PROM1: variants seen among roughly 807,000 people sequenced by gnomAD.
PROM1 encodes the protein prominin 1.
A neutral mutation model predicts 116.9 loss-of-function variants in PROM1; 105 were observed. That is an observed-to-expected ratio of 0.90 (90% CI 0.77 to 1.06). The LOEUF is 1.06. Among genes scored for constraint, PROM1 ranks in the 50% least tolerant of loss-of-function variants. The pLI, the probability that PROM1 is intolerant of heterozygous loss-of-function variation, is 0.00. For synonymous variants in PROM1, 393 were observed against 387.0 expected (o/e 1.02, Z -0.18); for missense variants, 1,122 against 1,045.2 (o/e 1.07, Z -1.01).
chr4:15,973,205 A>C lies in PROM1; in HGVS notation c.2583-2123T>G, dbSNP rs577080418. Among the ~76,000 whole-genome samples the C allele has an allele frequency of 8.5e-5, 13 of 152,302 alleles. No individual in the cohort carries two copies. In the East Asian group the frequency reaches 2.3e-3, roughly 27 times the overall value. ...GCCAAGCGCAGTGGCTCATGCCTGT[A>C]ATCTAGCAATTTGGGTAGATCACTT... On this transcript the variant is annotated intron_variant, in intron 26 of 27. Coordinates refer to ENST00000447510, the MANE Select transcript of PROM1 (RefSeq NM_006017.3).
At chr4:15,987,036 T>TCAA (rs1560410084) in intron 20 of PROM1, among the ~76,000 whole-genome samples, 1 of 152,230 alleles carries the variant, frequency 6.6e-6, no homozygotes, top group East Asian at 1.9e-4. Context: ...GCATTAGCTG[T>TCAA]TCAGGATTAT....
chr4:15,995,608 G>A (rs1722135740), intron 15 of PROM1, among the ~76,000 whole-genome samples: 1 of 152,084 alleles, frequency 6.6e-6, no homozygotes, highest in Admixed American at 6.5e-5. Flanking sequence ...AGTGGTAGTG[G>A]GATTTTTAAA....
chr4:15,986,186 C>T (rs921461322), intron 20 of PROM1, 149 bp from the exon 21 acceptor site: 33 of 575,798 alleles, frequency 5.7e-5, no homozygotes, highest in Non-Finnish European at 1.0e-4. Context: ...CCACCCAGGC[C>T]CCTGAGGGCA....
At chr4:16,027,297 AACAC>A (rs144910885) in intron 5 of PROM1, among the ~76,000 whole-genome samples, 16 of 147,234 alleles carry the variant, frequency 1.1e-4, no homozygotes, top group African/African-American at 2.8e-4. Flanking sequence ...GTGAAGAAGA[AACAC>A]ACACACACAC....
chr4:16,077,177 G>A (rs1029700336), intron 1 of PROM1, among the ~76,000 whole-genome samples: 2 of 152,174 alleles, frequency 1.3e-5, no homozygotes, highest in African/African-American at 4.8e-5. Flanking sequence ...CCCGTCCCTG[G>A]GCAATGGAAT....
chr4:16,081,397 T>C (rs573764686), intron 1 of PROM1, among the ~76,000 whole-genome samples: 1 of 152,190 alleles, frequency 6.6e-6, no homozygotes, highest in South Asian at 2.1e-4. Flanking sequence ...AAAACTTAAA[T>C]GTTAGACCTA....
intron 8 of PROM1, among the ~76,000 whole-genome samples, chr4:16,021,432 C>T (rs993264760): frequency 2.6e-5 from 4 of 152,046 alleles, no homozygotes; most frequent in Non-Finnish European, 5.9e-5. Flanking sequence ...TTCAATATTG[C>T]GAACATAATA....
intron 1 of PROM1, chr4:16,082,158 T>C (rs1404366137): frequency 6.6e-6 from 1 of 152,148 alleles, no homozygotes; most frequent in African/African-American, 2.4e-5. Flanking sequence ...CTAGCATCAA[T>C]ACTCTGAGCT....
chr4:15,980,527 CA>C lies in PROM1; in HGVS notation c.2383del (p.Trp795GlyfsTer4). The C allele has an allele frequency of 6.6e-7, 1 of 1,524,436 alleles. No homozygotes were observed. The highest frequency in any genetic ancestry group is 8.8e-7 in the Non-Finnish European group (1 of 1,134,910). 94.4% of individuals were successfully genotyped at this position (1,524,436 alleles called of 1,614,324 possible). ...TACAGTAGCTTTTCCTATGCCAAAC[CA>C]AAACAAATTCTAGGAAAAAAAAATC... ...SYIIDPLNLF[W>X]FGIGKATVFL... On this transcript the variant is annotated frameshift_variant, in exon 24 of 28. Coordinates refer to ENST00000447510, the MANE Select transcript of PROM1 (RefSeq NM_006017.3). LOFTEE classifies it high-confidence loss of function.
At position 15,989,765 on chromosome 4, in the gene PROM1, G is replaced by A. The variant is rs753006062; in HGVS notation, c.2043C>T (p.His681=). The A allele has an allele frequency of 1.2e-6, 2 of 1,609,682 alleles. No homozygotes were observed. Among genetic ancestry groups the A allele is most frequent in the African/African-American group, 1.3e-5 (1 of 75,016 alleles). Residue 681 remains histidine (H), a synonymous_variant, in exon 19 of 28, where the codon CAC becomes CAT. Transcript: ENST00000447510. ...GTTCTATAGGAAGGACTCGTTGCTG[G>A]TGAATTGTTTTAATAGTTTGTGCAT... The part of the protein sequence containing the change: ...KRDAQTIKTI[H]QQRVLPIEQS...
At chr4:16,082,403 A>G (rs1745206967) in intron 1 of PROM1, 1 of 152,210 alleles carries the variant, frequency 6.6e-6, no homozygotes, top group Non-Finnish European at 1.5e-5. Context: ...AACAAAGAAC[A>G]GCTGCCGCCC....
In PROM1 at chr4:16,075,929, T is replaced by C. The variant is rs1743871829; in HGVS notation, c.-23A>G. 2 of 1,584,978 alleles carry C rather than the reference T, an allele frequency of 1.3e-6. No homozygotes were observed. The highest frequency in any genetic ancestry group is 1.3e-5 in the African/African-American group (1 of 74,168). On this transcript the variant is annotated 5_prime_UTR_variant, in exon 2 of 28. An upstream start codon of the reference 5' UTR is lost. Coordinates refer to ENST00000447510, the MANE Select transcript of PROM1 (RefSeq NM_006017.3). Reference sequence around the variant, plus strand: ...CATAGCTAGCAAGATCCTCCAAACATGAGGTAGAACTTGGTGCCTCCTGCC... The same window carrying C: ...CATAGCTAGCAAGATCCTCCAAACACGAGGTAGAACTTGGTGCCTCCTGCC...
Position 16,027,441 on chromosome 4 carries a change from T to C in PROM1, c.510-2129A>G, listed in dbSNP as rs146708505. On this transcript the variant is annotated intron_variant, in intron 5 of 27. Transcript: ENST00000447510. ...ACCTGATGTTCACAATGGGGACTCT[T>C]GCTCTCTCTTCCCAGCATGCCCAGA... Among the ~76,000 whole-genome samples the C allele has an allele frequency of 4.8e-3, 734 of 152,244 alleles. 7 individuals carry two copies. The highest frequency in any genetic ancestry group is 0.017 in the African/African-American group (695 of 41,544).
chr4:15,983,864 G>A (rs1718597376), intron 23 of PROM1, among the ~76,000 whole-genome samples: 1 of 152,044 alleles, frequency 6.6e-6, no homozygotes, highest in Non-Finnish European at 1.5e-5. Flanking sequence ...TGACTAACTG[G>A]AACTTACCAT....
chr4:16,014,990 CT>C (rs1193736590), intron 10 of PROM1, among the ~76,000 whole-genome samples: 1 of 152,100 alleles, frequency 6.6e-6, no homozygotes, highest in African/African-American at 2.4e-5. Flanking sequence ...ATTTGCAATG[CT>C]GCAGGAATGT....
At position 16,046,198 on chromosome 4, in the gene PROM1, T is replaced by C. The variant is rs146145390; in HGVS notation, c.221-7197A>G. Among the ~76,000 whole-genome samples the C allele has an allele frequency of 7.5e-4, 114 of 152,288 alleles. 2 individuals are homozygous for C. In the East Asian group the frequency reaches 0.02, roughly 26 times the overall value. On this transcript the variant is annotated intron_variant, in intron 2 of 27. Transcript: ENST00000447510. ...TGCCCTTTCTGGAGGAGAATGCAGA[T>C]TTAACTCAAGAGGCAGAGCCAGTTG...
intron 2 of PROM1, among the ~76,000 whole-genome samples, chr4:16,053,528 C>T (rs1160261369): frequency 6.6e-6 from 1 of 152,142 alleles, no homozygotes; most frequent in Non-Finnish European, 1.5e-5. Context: ...AATGATGATA[C>T]TTAAGAGTAA....
chr4:16,075,509 C>T lies in PROM1; in HGVS notation c.220+178G>A, dbSNP rs982128740. On this transcript the variant is annotated intron_variant, in intron 2 of 27. Coordinates refer to ENST00000447510, the MANE Select transcript of PROM1 (RefSeq NM_006017.3). ...TTCCATTTCTTATAATAACATTCCT[C>T]GCAACCTATGTAACCTGGTACAAGT... Among the ~76,000 whole-genome samples, 8 of 152,196 alleles carry T rather than the reference C, an allele frequency of 5.3e-5. No homozygotes were observed. In the South Asian group the frequency reaches 8.3e-4, roughly 16 times the overall value.
At chr4:16,060,013 G>T (rs1464397979) in intron 2 of PROM1, among the ~76,000 whole-genome samples, 1 of 152,100 alleles carries the variant, frequency 6.6e-6, no homozygotes, top group Admixed American at 6.5e-5. Flanking sequence ...TTCACTGATG[G>T]AGACAAGACC....
Sources: allele counts gnomAD v4.1 joint callset (sites outside exome capture counted in the v4.1 genomes callset), GRCh38; gene constraint gnomAD v4.1.1; transcripts MANE v1.5; gene names NCBI Gene and HGNC (gene_info 2026-07-23, HGNC 2026-07-21).